RCL1: variants seen among roughly 807,000 people sequenced by gnomAD.
The protein encoded by RCL1 is RNA terminal phosphate cyclase like 1.
In RCL1, 24 loss-of-function variants were observed where a neutral mutation model predicts 42.4. The ratio of observed to expected loss-of-function variants is 0.57; its 90% confidence interval spans 0.41 to 0.80. The LOEUF (loss-of-function observed/expected upper bound fraction) is 0.80, where lower values mean the gene tolerates loss of function less well. RCL1 is among the 30% of genes least tolerant of loss of function. The probability of loss-of-function intolerance (pLI) is 0.00; values close to 1 mark genes in which losing one functional copy is unlikely to be tolerated. For synonymous variants in RCL1, 228 were observed against 177.3 expected (o/e 1.29, Z -2.27); for missense variants, 578 against 467.9 (o/e 1.24, Z -2.17).
intron 8 of RCL1, among the ~76,000 whole-genome samples, chr9:4,855,008 G>T (rs761097824): frequency 2.8e-5 from 4 of 141,684 alleles, no homozygotes; most frequent in African/African-American, 8.0e-5. Flanking sequence ...AGCTGAGATC[G>T]CACCATTGCA....
intron 5 of RCL1, among the ~76,000 whole-genome samples, chr9:4,841,021 T>G (rs1291103711): frequency 6.6e-6 from 1 of 152,150 alleles, no homozygotes; most frequent in Non-Finnish European, 1.5e-5. Flanking sequence ...TACTTTCCAC[T>G]GTCTCTATTG....
At chr9:4,854,322 G>A (rs1302838339) in intron 8 of RCL1, among the ~76,000 whole-genome samples, 3 of 152,106 alleles carry the variant, frequency 2.0e-5, no homozygotes, top group Admixed American at 2.0e-4. Context: ...CCTCTATTCA[G>A]CAGAAAAAGC....
chr9:4,840,853 A>G (rs1448861186), intron 5 of RCL1, among the ~76,000 whole-genome samples: 1 of 152,100 alleles, frequency 6.6e-6, no homozygotes, highest in Non-Finnish European at 1.5e-5. Flanking sequence ...TGGACAGAGA[A>G]TAGAAAGTGT....
intron 5 of RCL1, among the ~76,000 whole-genome samples, chr9:4,835,551 A>T (rs765799130): frequency 6.6e-6 from 1 of 152,210 alleles, no homozygotes; most frequent in Non-Finnish European, 1.5e-5. Context: ...AGAAGGAAGG[A>T]TGAGGGAGTA....
intron 1 of RCL1, among the ~76,000 whole-genome samples, chr9:4,800,445 T>C (rs138206103): frequency 0.056 from 8,524 of 151,006 alleles, 409 homozygotes; most frequent in African/African-American, 0.13. Context: ...GAACTCCTGA[T>C]CTTAGGTGAT....
At chr9:4,835,027 A>G (rs1046840257) in intron 5 of RCL1, among the ~76,000 whole-genome samples, 3 of 152,226 alleles carry the variant, frequency 2.0e-5, no homozygotes, top group African/African-American at 7.2e-5. Flanking sequence ...AGAGCAAGAA[A>G]GGAGGAGGGC....
At chr9:4,797,587 A>C (rs1267420039) in intron 1 of RCL1, among the ~76,000 whole-genome samples, 4 of 152,222 alleles carry the variant, frequency 2.6e-5, no homozygotes, top group Admixed American at 2.6e-4. Context: ...GGGTGCTGCT[A>C]AATATCCTAC....
At chr9:4,802,188 G>T (rs993589674) in intron 1 of RCL1, among the ~76,000 whole-genome samples, 2 of 150,114 alleles carry the variant, frequency 1.3e-5, no homozygotes, top group Non-Finnish European at 2.9e-5. Context: ...GGCTCTCAAA[G>T]TGCTGGGATT....
At chr9:4,844,443 T>C (rs922816449) in intron 6 of RCL1, 82 bp from the exon 7 acceptor site, 3 of 1,078,634 alleles carry the variant, frequency 2.8e-6, no homozygotes, top group Non-Finnish European at 4.0e-6. Flanking sequence ...AAAAAAAATG[T>C]TTGTCTTCTC....
chr9:4,802,737 G>C (rs957157690), intron 1 of RCL1, among the ~76,000 whole-genome samples: 1 of 152,094 alleles, frequency 6.6e-6, no homozygotes, highest in Non-Finnish European at 1.5e-5. Flanking sequence ...TCTGTCTTAA[G>C]CATACTTGGG....
chr9:4,850,935 G>C (rs1443645880), intron 8 of RCL1, among the ~76,000 whole-genome samples: 1 of 152,098 alleles, frequency 6.6e-6, no homozygotes, highest in Non-Finnish European at 1.5e-5. Context: ...TGAGGTATGG[G>C]GTGTTGTCTT....
intron 5 of RCL1, among the ~76,000 whole-genome samples, chr9:4,840,612 G>T (rs1010152452): frequency 1.3e-5 from 2 of 152,196 alleles, no homozygotes; most frequent in Admixed American, 6.5e-5. Flanking sequence ...AGGAGGCTGT[G>T]TTATCCACAA....
Position 4,860,378 on chromosome 9 carries a change from C to A in RCL1, c.*103C>A. 1 of 1,188,378 alleles carries A rather than the reference C, an allele frequency of 8.4e-7. No individual in the cohort carries two copies. The highest frequency in any genetic ancestry group is 1.6e-5 in the South Asian group (1 of 63,236). The allele number at this position is 1,188,378 out of a possible 1,614,324, so 73.6% of individuals were successfully genotyped here. On this transcript the variant is annotated 3_prime_UTR_variant, in exon 9 of 9. Transcript: ENST00000381750. The stretch of plus-strand genomic sequence containing the variant: ...ATGGATTAATCCAGGACAGAATAGC[C>A]ACTTGCTTAATTTTCTGTGAAGAAA...
At chr9:4,812,498 A>G (rs558204562) in intron 1 of RCL1, among the ~76,000 whole-genome samples, 7 of 152,286 alleles carry the variant, frequency 4.6e-5, no homozygotes, top group South Asian at 2.1e-4. Flanking sequence ...TCCTGGGCTC[A>G]AACGATCCTC....
At chr9:4,797,272 T>C (rs1842927969) in intron 1 of RCL1, among the ~76,000 whole-genome samples, 5 of 152,196 alleles carry the variant, frequency 3.3e-5, no homozygotes. Flanking sequence ...GAAGAATAAA[T>C]GTTAGCTGAT....
Position 4,808,527 on chromosome 9 carries a change from C to T in RCL1, c.137-15021C>T, listed in dbSNP as rs531922041. 1.6e-3 allele frequency among the ~76,000 whole-genome samples: 248 copies of T among 152,118 alleles called. 1 individual carries two copies. The highest frequency in any genetic ancestry group is 3.7e-3 in the Admixed American group (57 of 15,284). ...TTCGCCATGTTGCCCAGGCTGGTCT[C>T]GGATCTCCTGAGCTCAAGTGATCCA... On this transcript the variant is annotated intron_variant, in intron 1 of 8. Transcript: ENST00000381750.
intron 5 of RCL1, among the ~76,000 whole-genome samples, chr9:4,837,340 T>C (rs1817173661): frequency 6.6e-6 from 1 of 152,126 alleles, no homozygotes; most frequent in Non-Finnish European, 1.5e-5. Context: ...TTTTTGGCAA[T>C]GGTGAAAAAA....
intron 1 of RCL1, among the ~76,000 whole-genome samples, chr9:4,802,081 T>TC (rs1386884704): frequency 1.4e-5 from 2 of 147,588 alleles, no homozygotes; most frequent in Non-Finnish European, 1.5e-5. Flanking sequence ...GCTATTTTTT[T>TC]TTTTTTTTTT....
chr9:4,844,532 G>A lies in RCL1; in HGVS notation c.718G>A (p.Gly240Ser). 1 of 1,611,438 alleles carries A rather than the reference G, an allele frequency of 6.2e-7. No individual in the cohort carries two copies. The highest frequency in any genetic ancestry group is 8.5e-7 in the Non-Finnish European group (1 of 1,178,590). Reference sequence around the variant, plus strand: ...GTGCCTTTGTATCTCCAGGTCTCCGGGCTTTGGGTTGTCACTGGTTGCTGA... The same window carrying A: ...GTGCCTTTGTATCTCCAGGTCTCCGAGCTTTGGGTTGTCACTGGTTGCTGA... ...MKGVNSGKSP[G>S]FGLSLVAETT... The change falls in exon 7 of 9, where the codon GGC (glycine) becomes AGC (serine). Residue 240 changes from glycine (G) to serine (S), a missense_variant. Physicochemically the swap from Gly to Ser is moderately conservative, Grantham distance 56. Transcript: ENST00000381750.
Sources: allele counts gnomAD v4.1 joint callset (sites outside exome capture counted in the v4.1 genomes callset), GRCh38; gene constraint gnomAD v4.1.1; transcripts MANE v1.5; gene names NCBI Gene and HGNC (gene_info 2026-07-23, HGNC 2026-07-21).